The following ANO10 variants were observed in gnomAD, a reference collection of about 807,000 sequenced individuals.
The protein encoded by ANO10 is anoctamin 10.
Under a neutral mutation model 74.7 loss-of-function variants are expected in ANO10, and 77 were observed. The observed-to-expected ratio is 1.03, with a 90% CI of 0.86 to 1.25. The LOEUF is 1.25. Among genes scored for constraint, ANO10 ranks in the 50% most tolerant of loss-of-function variants. The pLI, the probability that ANO10 is intolerant of heterozygous loss-of-function variation, is 0.00. For synonymous variants in ANO10, 279 were observed against 284.9 expected, an observed-to-expected ratio of 0.98 and a Z score of 0.21; for missense variants, 721 against 778.1, an observed-to-expected ratio of 0.93 and a Z score of 0.87.
At chr3:43,392,403 T>C (rs981901450) in intron 12 of ANO10, among the ~76,000 whole-genome samples, 13 of 152,230 alleles carry the variant, frequency 8.5e-5, no homozygotes, top group Non-Finnish European at 1.9e-4. Flanking sequence ...GGCAATAATA[T>C]ATCCTGTTCT....
chr3:43,506,022 ATGTT>A (rs1272299052), intron 11 of ANO10, among the ~76,000 whole-genome samples: 2 of 152,264 alleles, frequency 1.3e-5, no homozygotes, highest in African/African-American at 2.4e-5. Flanking sequence ...TGAATAAAAT[ATGTT>A]TAAGATATAG....
chr3:43,678,184 T>C (rs2084147352), intron 1 of ANO10, among the ~76,000 whole-genome samples: 1 of 152,238 alleles, frequency 6.6e-6, no homozygotes, highest in South Asian at 2.1e-4. Context: ...AGGTCTATTT[T>C]ATAATAAAGT....
chr3:43,605,255 G>A (rs896554931), intron 2 of ANO10, among the ~76,000 whole-genome samples: 3 of 152,110 alleles, frequency 2.0e-5, no homozygotes, highest in Admixed American at 1.3e-4. Context: ...ACTGCTTTGT[G>A]ACAGCTCTTC....
intron 11 of ANO10, chr3:43,485,789 T>G: frequency 3.8e-6 from 1 of 260,342 alleles, no homozygotes; most frequent in Admixed American, 4.8e-5. Flanking sequence ...CGCAAAGATT[T>G]GCATGTGGTA....
intron 12 of ANO10, among the ~76,000 whole-genome samples, chr3:43,397,471 GTTC>G (rs1271516887): frequency 6.6e-6 from 1 of 152,142 alleles, no homozygotes; most frequent in Non-Finnish European, 1.5e-5. Context: ...GTTAGAAGCA[GTTC>G]AATCCTCTTG....
At chr3:43,559,545 G>T (rs1397551107) in intron 9 of ANO10, among the ~76,000 whole-genome samples, 1 of 152,104 alleles carries the variant, frequency 6.6e-6, no homozygotes. Context: ...TTCAAAATAG[G>T]CAAGTTGCTG....
At chr3:43,565,538 C>CA in intron 8 of ANO10, 115 bp downstream of exon 8, 1 of 928,508 alleles carries the variant, frequency 1.1e-6, no homozygotes, top group Non-Finnish European at 1.6e-6. Context: ...TAAAAACATA[C>CA]AAAATTTAAA....
At chr3:43,490,266 A>G (rs1180609194) in intron 11 of ANO10, among the ~76,000 whole-genome samples, 3 of 152,172 alleles carry the variant, frequency 2.0e-5, no homozygotes. Flanking sequence ...AAAGTCTTGC[A>G]TGGTGTGTGT....
chr3:43,558,515 T>C (rs370986764), intron 9 of ANO10, among the ~76,000 whole-genome samples: 1 of 152,210 alleles, frequency 6.6e-6, no homozygotes, highest in Non-Finnish European at 1.5e-5. Context: ...TTTCTTTTTA[T>C]ATATTGACTC....
intron 12 of ANO10, among the ~76,000 whole-genome samples, chr3:43,380,646 G>A (rs761566332): frequency 5.3e-4 from 80 of 152,168 alleles, no homozygotes; most frequent in Non-Finnish European, 9.0e-4. Flanking sequence ...AATGCTGAGA[G>A]AATTCGCCAC....
At chr3:43,441,102 C>T (rs979981423) in intron 11 of ANO10, among the ~76,000 whole-genome samples, 6 of 151,596 alleles carry the variant, frequency 4.0e-5, no homozygotes, top group Non-Finnish European at 8.8e-5. Flanking sequence ...AAAGAAAGAT[C>T]TCAAGTCAAT....
intron 11 of ANO10, among the ~76,000 whole-genome samples, chr3:43,531,288 G>A (rs751383196): frequency 1.4e-4 from 21 of 152,144 alleles, no homozygotes; most frequent in Admixed American, 3.9e-4. Flanking sequence ...TAAATTACAC[G>A]TTCTGGCTTA....
At chr3:43,404,277 C>T (rs1377988157) in intron 12 of ANO10, among the ~76,000 whole-genome samples, 1 of 152,152 alleles carries the variant, frequency 6.6e-6, no homozygotes, top group Non-Finnish European at 1.5e-5. Flanking sequence ...CAAGAAACTG[C>T]AGGTGGCCTC....
At chr3:43,582,002 G>A (rs1210681568) in intron 4 of ANO10, among the ~76,000 whole-genome samples, 1 of 151,594 alleles carries the variant, frequency 6.6e-6, no homozygotes, top group Admixed American at 6.6e-5. Flanking sequence ...CCATTGATAA[G>A]TTTTGAGCTT....
chr3:43,368,686 C>CTTTT (rs780354509), intron 12 of ANO10, among the ~76,000 whole-genome samples: 1 of 140,854 alleles, frequency 7.1e-6, no homozygotes, highest in Non-Finnish European at 1.6e-5. Flanking sequence ...TTTAAAATGT[C>CTTTT]TTTTTTTTTT....
At chr3:43,410,620 T>C (rs1439082177) in intron 12 of ANO10, among the ~76,000 whole-genome samples, 1 of 152,168 alleles carries the variant, frequency 6.6e-6, no homozygotes, top group African/African-American at 2.4e-5. Context: ...ACATTCCAAG[T>C]CTGCAGCATA....
At chr3:43,548,980 T>C (rs1393986376) in intron 11 of ANO10, among the ~76,000 whole-genome samples, 1 of 152,230 alleles carries the variant, frequency 6.6e-6, no homozygotes, top group African/African-American at 2.4e-5. Context: ...ATTTCACACC[T>C]GTAGCAAATG....
At chr3:43,610,381 T>A (rs912581576) in intron 1 of ANO10, among the ~76,000 whole-genome samples, 2 of 152,146 alleles carry the variant, frequency 1.3e-5, no homozygotes, top group African/African-American at 4.8e-5. Flanking sequence ...AGGAGTACAC[T>A]CTAAAATAAT....
At chr3:43,504,872 C>T (rs1390109920) in intron 11 of ANO10, among the ~76,000 whole-genome samples, 4 of 152,142 alleles carry the variant, frequency 2.6e-5, no homozygotes. Context: ...GAACTCCTGA[C>T]CTCGTAATCC....
Sources: allele counts gnomAD v4.1 joint callset (sites outside exome capture counted in the v4.1 genomes callset), GRCh38; gene constraint gnomAD v4.1.1; transcripts MANE v1.5; gene names NCBI Gene and HGNC (gene_info 2026-07-23, HGNC 2026-07-21).